Variants in SPATA16 observed in about 807,000 individuals in gnomAD.
SPATA16 encodes spermatogenesis associated 16.
Under a neutral mutation model 63.3 loss-of-function variants are expected in SPATA16, and 36 were observed. The ratio of observed to expected loss-of-function variants is 0.57; its 90% CI spans 0.44 to 0.75. The LOEUF (loss-of-function observed/expected upper bound fraction) is 0.75, where lower values mean the gene tolerates loss of function less well. Ranked by LOEUF, SPATA16 falls within the 30% of genes least tolerant of loss-of-function variation. The probability of loss-of-function intolerance (pLI) is 0.00; values close to 1 mark genes in which losing one functional copy is unlikely to be tolerated. For synonymous variants in SPATA16, 203 were observed against 216.7 expected (o/e 0.94, Z 0.56); for missense variants, 646 against 679.3 (o/e 0.95, Z 0.54).
chr3:172,991,578 A>G (rs1026950488), intron 4 of SPATA16, among the ~76,000 whole-genome samples: 5 of 152,174 alleles, frequency 3.3e-5, no homozygotes, highest in African/African-American at 1.2e-4. Flanking sequence ...ATCTGATGCA[A>G]TCCATAGCAA....
intron 4 of SPATA16, among the ~76,000 whole-genome samples, chr3:173,009,584 G>C (rs577646692): frequency 6.6e-6 from 1 of 152,326 alleles, no homozygotes; most frequent in Non-Finnish European, 1.5e-5. Context: ...AACAGGGGAG[G>C]CTAGGCTCTT....
intron 2 of SPATA16, among the ~76,000 whole-genome samples, chr3:173,065,047 G>T (rs1040302976): frequency 5.9e-5 from 9 of 152,256 alleles, no homozygotes; most frequent in African/African-American, 2.2e-4. Context: ...AGGAAAAAAA[G>T]AACTGTTCTG....
chr3:173,001,161 A>G (rs1398874679), intron 4 of SPATA16, among the ~76,000 whole-genome samples: 1 of 152,174 alleles, frequency 6.6e-6, no homozygotes, highest in Non-Finnish European at 1.5e-5. Context: ...TACGACGAGT[A>G]ATGTAGTGGT....
chr3:173,134,087 A>C (rs1045714469), intron 1 of SPATA16, among the ~76,000 whole-genome samples: 2 of 152,354 alleles, frequency 1.3e-5, no homozygotes, highest in East Asian at 3.9e-4. Flanking sequence ...ATAAAGCTAT[A>C]GTAAGGAGGC....
At chr3:173,112,132 C>T (rs1737764723) in intron 2 of SPATA16, among the ~76,000 whole-genome samples, 1 of 152,188 alleles carries the variant, frequency 6.6e-6, no homozygotes, top group Admixed American at 6.5e-5. Flanking sequence ...TCTCCCCCTA[C>T]ACACACTTAA....
At chr3:173,032,660 A>G (rs1394276214) in intron 3 of SPATA16, among the ~76,000 whole-genome samples, 3 of 152,176 alleles carry the variant, frequency 2.0e-5, no homozygotes, top group Non-Finnish European at 4.4e-5. Context: ...AGTAGGTATG[A>G]TTACTGGATC....
rs780841484 is a variant in SPATA16 at position 173,113,220 on chromosome 3, T to TA, written c.612+3899dup. On this transcript the variant is annotated intron_variant, in intron 2 of 10. Transcript: ENST00000351008. ...GTGGGGAAATTGGTATAGCTGTCTT[T>TA]AAAAAATTGCAGGGAATAGTATCTA... Among the ~76,000 whole-genome samples the TA allele has an allele frequency of 7.9e-5, 12 of 152,326 alleles. 1 individual carries two copies. The highest frequency in any genetic ancestry group is 2.6e-4 in the Admixed American group (4 of 15,302).
chr3:172,956,089 A>G (rs1291809241), intron 6 of SPATA16, among the ~76,000 whole-genome samples: 2 of 152,140 alleles, frequency 1.3e-5, no homozygotes, highest in Non-Finnish European at 2.9e-5. Context: ...AAACCAAAAT[A>G]ATGCTTGATG....
At chr3:173,069,112 G>GAAAAAAAAAAAAAAAAA (rs541801266) in intron 2 of SPATA16, among the ~76,000 whole-genome samples, 10 of 109,156 alleles carry the variant, frequency 9.2e-5, no homozygotes, top group African/African-American at 3.3e-4. Flanking sequence ...TCCGTCTCAA[G>GAAAAAAAAAAAAAAAAA]AAAAAAAAAA....
intron 5 of SPATA16, among the ~76,000 whole-genome samples, chr3:172,975,232 C>A (rs1394684266): frequency 1.3e-5 from 2 of 152,080 alleles, no homozygotes; most frequent in African/African-American, 4.8e-5. Flanking sequence ...GCTTGTGAAC[C>A]ACAACATGGT....
intron 3 of SPATA16, among the ~76,000 whole-genome samples, chr3:173,035,860 G>C (rs1223651014): frequency 6.6e-6 from 1 of 151,962 alleles, no homozygotes; most frequent in Non-Finnish European, 1.5e-5. Context: ...AGCATGGTAG[G>C]GAAAACAGCT....
intron 8 of SPATA16, among the ~76,000 whole-genome samples, chr3:172,923,057 G>A (rs1427639388): frequency 3.3e-5 from 5 of 152,210 alleles, no homozygotes; most frequent in African/African-American, 1.2e-4. Flanking sequence ...AGCCATGCAC[G>A]GATGAGATGA....
intron 2 of SPATA16, among the ~76,000 whole-genome samples, chr3:173,051,650 C>A (rs1736098085): frequency 6.6e-6 from 1 of 152,014 alleles, no homozygotes. Context: ...TTAATTTTAT[C>A]TTTAAATGAA....
intron 2 of SPATA16, among the ~76,000 whole-genome samples, chr3:173,097,446 T>A (rs1737386687): frequency 6.6e-6 from 1 of 152,160 alleles, no homozygotes; most frequent in South Asian, 2.1e-4. Flanking sequence ...TCCATAAAAT[T>A]GTGAAGAAGG....
At chr3:173,079,424 C>A (rs1205136785) in intron 2 of SPATA16, among the ~76,000 whole-genome samples, 1 of 152,052 alleles carries the variant, frequency 6.6e-6, no homozygotes, top group Non-Finnish European at 1.5e-5. Flanking sequence ...CCAAAAAATC[C>A]TATGATTATT....
intron 6 of SPATA16, 82 bp downstream of exon 6, chr3:172,956,595 A>C: frequency 6.7e-7 from 1 of 1,483,624 alleles, no homozygotes; most frequent in East Asian, 2.3e-5. Context: ...AGAAACAATA[A>C]ACTAATAAAC....
At chr3:173,013,290 A>AAAAG (rs1347482240) in intron 4 of SPATA16, among the ~76,000 whole-genome samples, 1 of 152,248 alleles carries the variant, frequency 6.6e-6, no homozygotes, top group African/African-American at 2.4e-5. Flanking sequence ...GGCTGCAGAG[A>AAAAG]AAAGAGAATG....
chr3:172,968,069 T>C (rs1733959667), intron 5 of SPATA16, among the ~76,000 whole-genome samples: 1 of 152,192 alleles, frequency 6.6e-6, no homozygotes, highest in Non-Finnish European at 1.5e-5. Context: ...AGCTTTTAAC[T>C]ATTCCTGGAC....
intron 5 of SPATA16, among the ~76,000 whole-genome samples, chr3:172,957,268 G>T (rs766575543): frequency 2.6e-5 from 4 of 151,962 alleles, no homozygotes; most frequent in Non-Finnish European, 5.9e-5. Context: ...TAGACAGACG[G>T]TATTTTTTGT....
Sources: allele counts gnomAD v4.1 joint callset (sites outside exome capture counted in the v4.1 genomes callset), GRCh38; gene constraint gnomAD v4.1.1; transcripts MANE v1.5; gene names NCBI Gene and HGNC (gene_info 2026-07-23, HGNC 2026-07-21).